Variants in HMGN3 observed in about 807,000 individuals in gnomAD.
HMGN3 encodes the protein high mobility group nucleosomal binding domain 3, also known as high mobility group nucleosome-binding domain-containing protein 3.
Under a neutral mutation model 18.8 loss-of-function variants are expected in HMGN3, and 6 were observed. The observed-to-expected ratio is 0.32, with a 90% CI of 0.18 to 0.63. The LOEUF (loss-of-function observed/expected upper bound fraction) is 0.63, where lower values mean the gene tolerates loss of function less well. Ranked by LOEUF, HMGN3 falls within the 30% of genes least tolerant of loss-of-function variation. HMGN3 has a pLI of 0.79. For synonymous variants in HMGN3, 40 were observed against 36.5 expected (o/e 1.10, Z -0.35); for missense variants, 107 against 114.2 (o/e 0.94, Z 0.29).
chr6:79,228,539 A>C (rs569393077), intron 1 of HMGN3, among the ~76,000 whole-genome samples: 1 of 152,336 alleles, frequency 6.6e-6, no homozygotes, highest in South Asian at 2.1e-4. Context: ...GATTCAATTC[A>C]ATCTCTATCA....
chr6:79,214,629 G>A (rs963241207), intron 2 of HMGN3, among the ~76,000 whole-genome samples: 3 of 152,160 alleles, frequency 2.0e-5, no homozygotes, highest in Admixed American at 6.5e-5. Flanking sequence ...TGCTGTGAAA[G>A]GCAGACTTTG....
chr6:79,201,839 T>C (rs1776152887), intron 5 of HMGN3, 113 bp from the exon 7 acceptor site: 3 of 1,482,360 alleles, frequency 2.0e-6, no homozygotes, highest in African/African-American at 1.4e-5. Context: ...CTTTTTTTTT[T>C]CCAGCTTTAC....
At chr6:79,225,540 A>T (rs2127836284) in intron 1 of HMGN3, among the ~76,000 whole-genome samples, 1 of 152,306 alleles carries the variant, frequency 6.6e-6, no homozygotes, top group Admixed American at 6.5e-5. Flanking sequence ...TATTTACATT[A>T]AAATCCCTCA....
In HMGN3 at chr6:79,222,294, G is replaced by C. The variant is rs373688053; in HGVS notation, c.16-7272C>G. On this transcript the variant is annotated intron_variant, in intron 1 of 5. Transcript: ENST00000344726. ...TTTTTCAGTTACAAACTCAAGGCTGGGGAAAAAAGCAGTCCAGTATTAAAT... is the reference window on the plus strand; with the variant it reads ...TTTTTCAGTTACAAACTCAAGGCTGCGGAAAAAAGCAGTCCAGTATTAAAT... 7.2e-5 allele frequency among the ~76,000 whole-genome samples: 11 copies of C among 151,820 alleles called. No individual in the cohort carries two copies. The East Asian group carries it at 1.5e-3, about 21-fold the overall frequency.
At chr6:79,212,335 C>T (rs1776735241) in intron 2 of HMGN3, among the ~76,000 whole-genome samples, 1 of 152,160 alleles carries the variant, frequency 6.6e-6, no homozygotes, top group African/African-American at 2.4e-5. Context: ...TCAATCTGTC[C>T]TCAAAAATAG....
intron 3 of HMGN3, among the ~76,000 whole-genome samples, chr6:79,204,914 G>A (rs1336376512): frequency 6.6e-6 from 1 of 152,068 alleles, no homozygotes; most frequent in East Asian, 1.9e-4. Context: ...CCTAAGCTTT[G>A]ATATACTGTA....
chr6:79,223,832 C>G (rs1777425996), intron 1 of HMGN3, among the ~76,000 whole-genome samples: 1 of 151,698 alleles, frequency 6.6e-6, no homozygotes, highest in East Asian at 1.9e-4. Context: ...GTCTGGCTCA[C>G]ACCTGACTTC....
At chr6:79,229,104 A>C (rs1480460280) in intron 1 of HMGN3, among the ~76,000 whole-genome samples, 2 of 152,250 alleles carry the variant, frequency 1.3e-5, no homozygotes, top group East Asian at 1.9e-4. Flanking sequence ...AATGGATAAC[A>C]TACCTAAATA....
intron 1 of HMGN3, among the ~76,000 whole-genome samples, chr6:79,225,805 G>A (rs773591294): frequency 1.3e-5 from 2 of 152,138 alleles, no homozygotes; most frequent in Non-Finnish European, 1.5e-5. Flanking sequence ...ATACCTAGAA[G>A]ATTTCATGGT....
intron 4 of HMGN3, 60 bp from the exon 5 acceptor site, chr6:79,202,449 A>G: frequency 7.6e-7 from 1 of 1,310,798 alleles, no homozygotes; most frequent in Non-Finnish European, 1.1e-6. Flanking sequence ...TGATGGCTAA[A>G]ATCAATCAGC....
chr6:79,228,087 C>T (rs564495803), intron 1 of HMGN3, among the ~76,000 whole-genome samples: 3 of 152,310 alleles, frequency 2.0e-5, no homozygotes, highest in East Asian at 3.9e-4. Flanking sequence ...AACACTCTTT[C>T]GCAGTGTTTC....
intron 1 of HMGN3, among the ~76,000 whole-genome samples, chr6:79,223,515 AACAAACAAACACACAC>A (rs1413380131): frequency 1.8e-4 from 27 of 152,028 alleles, no homozygotes; most frequent in Admixed American, 1.4e-3. Context: ...TATCTCAACA[AACAAACAAACACACAC>A]ACAAACAAAC....
chr6:79,204,571 A>G (rs904555949), intron 3 of HMGN3, among the ~76,000 whole-genome samples: 9 of 152,232 alleles, frequency 5.9e-5, no homozygotes, highest in African/African-American at 2.2e-4. Context: ...AAAAGTGTAC[A>G]TCTCTCCTGG....
intron 1 of HMGN3, among the ~76,000 whole-genome samples, chr6:79,230,727 T>A (rs1187978005): frequency 1.3e-5 from 2 of 152,236 alleles, no homozygotes; most frequent in Admixed American, 1.3e-4. Flanking sequence ...TTCAGTGATA[T>A]GTGGTACAAA....
intron 1 of HMGN3, among the ~76,000 whole-genome samples, chr6:79,217,944 G>A (rs1390697764): frequency 1.3e-5 from 2 of 152,224 alleles, no homozygotes; most frequent in Non-Finnish European, 2.9e-5. Context: ...GACTGCCAAG[G>A]CAAAGGGGGC....
chr6:79,226,594 A>G (rs1305924428), intron 1 of HMGN3, among the ~76,000 whole-genome samples: 1 of 152,222 alleles, frequency 6.6e-6, no homozygotes, highest in Admixed American at 6.5e-5. Context: ...TGCATTATGA[A>G]TACAAAACAC....
At chr6:79,234,214 G>A in intron 1 of HMGN3, 1 of 262,686 alleles carries the variant, frequency 3.8e-6, no homozygotes, top group South Asian at 1.3e-4. Flanking sequence ...CAACCTGGCA[G>A]TTTGCAAAGA....
intron 2 of HMGN3, among the ~76,000 whole-genome samples, chr6:79,214,584 A>G (rs1034152007): frequency 6.6e-6 from 1 of 152,210 alleles, no homozygotes; most frequent in Non-Finnish European, 1.5e-5. Flanking sequence ...TCACTGGAGC[A>G]CAGAATTTAT....
chr6:79,212,249 T>C (rs1561989962), intron 2 of HMGN3, among the ~76,000 whole-genome samples: 1 of 152,198 alleles, frequency 6.6e-6, no homozygotes, highest in African/African-American at 2.4e-5. Flanking sequence ...GGTTCTGCTA[T>C]TTACAAGTTC....
Sources: gnomAD v4.1 joint callset for allele counts (sites outside exome capture counted in the v4.1 genomes callset) on GRCh38, gnomAD v4.1.1 for gene constraint, MANE v1.5 for transcripts, NCBI Gene and HGNC (gene_info 2026-07-23, HGNC 2026-07-21) for gene names.